The following KCNT2 variants were observed in gnomAD, a reference collection of about 807,000 sequenced individuals.
KCNT2 encodes potassium sodium-activated channel subfamily T member 2, also known as potassium channel subfamily T member 2.
In KCNT2, 67 loss-of-function variants were observed where a neutral mutation model predicts 153.8. That is an observed-to-expected ratio of 0.44 (90% confidence interval 0.36 to 0.53). KCNT2 has a LOEUF of 0.53. KCNT2 is among the 20% of genes least tolerant of loss of function. The pLI is 0.00. For synonymous variants in KCNT2, 500 were observed against 458.8 expected, an observed-to-expected ratio of 1.09 and a Z score of -1.15; for missense variants, 975 against 1,354.8, an observed-to-expected ratio of 0.72 and a Z score of 4.40.
At chr1:196,558,557 T>G (rs1054827931) in intron 1 of KCNT2, among the ~76,000 whole-genome samples, 2 of 151,456 alleles carry the variant, frequency 1.3e-5, no homozygotes, top group African/African-American at 4.8e-5. Flanking sequence ...GAATGTCTAG[T>G]GTCTTCCGAA....
intron 1 of KCNT2, among the ~76,000 whole-genome samples, chr1:196,517,856 T>G (rs1431478465): frequency 6.6e-6 from 1 of 152,148 alleles, no homozygotes; most frequent in African/African-American, 2.4e-5. Context: ...CAGGATACTG[T>G]CCATGAAAAG....
chr1:196,435,606 C>G (rs1052952078), intron 8 of KCNT2, among the ~76,000 whole-genome samples: 1 of 151,474 alleles, frequency 6.6e-6, no homozygotes, highest in Non-Finnish European at 1.5e-5. Context: ...ACTTTGCTAC[C>G]ATGTTGACGT....
At chr1:196,450,586 C>T (rs1676071620) in intron 8 of KCNT2, among the ~76,000 whole-genome samples, 1 of 151,826 alleles carries the variant, frequency 6.6e-6, no homozygotes, top group African/African-American at 2.4e-5. Context: ...TGTCCTCACA[C>T]CTTATATCTA....
chr1:196,440,346 A>T (rs1675115430), intron 8 of KCNT2, among the ~76,000 whole-genome samples: 1 of 152,040 alleles, frequency 6.6e-6, no homozygotes, highest in Non-Finnish European at 1.5e-5. Context: ...TCTGCAGTCA[A>T]ATACATTTGG....
chr1:196,234,317 C>T (rs906203477), intron 27 of KCNT2, among the ~76,000 whole-genome samples: 6 of 151,132 alleles, frequency 4.0e-5, no homozygotes, highest in African/African-American at 1.2e-4. Flanking sequence ...ATTGTCTCCC[C>T]ATTCTGACTT....
chr1:196,235,717 CG>C, intron 27 of KCNT2, among the ~76,000 whole-genome samples: 1 of 151,460 alleles, frequency 6.6e-6, no homozygotes, highest in Middle Eastern at 3.4e-3. Context: ...TATTCTTCCA[CG>C]TCTTCACTTA....
chr1:196,435,135 GTATGTATATATATATATA>G lies in KCNT2; in HGVS notation c.639-5396_639-5379del, dbSNP rs1227985042. 4.3e-4 allele frequency among the ~76,000 whole-genome samples: 33 copies of G among 76,872 alleles called. 1 individual carries two copies. The highest frequency in any genetic ancestry group is 1.5e-3 in the African/African-American group (31 of 20,754). 50.4% of individuals were successfully genotyped at this position (76,872 alleles called of 152,430 possible). A position where few individuals can be genotyped will look rare whatever the true frequency, so the allele number is the denominator to read the frequency against. On this transcript the variant is annotated intron_variant, in intron 8 of 27. Coordinates refer to ENST00000294725, the MANE Select transcript of KCNT2 (RefSeq NM_198503.5). ...GCAATAGATACTTATGTGTGTGTGT[GTATGTATATATATATATA>G]TATATATATATATATATATATATAT...
chr1:196,497,334 G>A (rs1432713976), intron 1 of KCNT2, among the ~76,000 whole-genome samples: 1 of 151,926 alleles, frequency 6.6e-6, no homozygotes, highest in Non-Finnish European at 1.5e-5. Flanking sequence ...GTAGTACTTA[G>A]GTACTACTAA....
At chr1:196,265,810 T>C (rs970188004) in intron 25 of KCNT2, among the ~76,000 whole-genome samples, 5 of 152,112 alleles carry the variant, frequency 3.3e-5, no homozygotes, top group African/African-American at 1.2e-4. Flanking sequence ...AAAGCAAACA[T>C]GGGACTCTGT....
intron 1 of KCNT2, among the ~76,000 whole-genome samples, chr1:196,536,181 G>A (rs965407632): frequency 1.3e-5 from 2 of 152,190 alleles, no homozygotes; most frequent in Non-Finnish European, 2.9e-5. Flanking sequence ...TACAGGCATT[G>A]GGCCAGGCAA....
intron 5 of KCNT2, among the ~76,000 whole-genome samples, chr1:196,472,718 C>CACTAT (rs1301879021): frequency 2.0e-5 from 3 of 152,164 alleles, no homozygotes; most frequent in Admixed American, 2.0e-4. Flanking sequence ...TTTCCTTTCA[C>CACTAT]ACTATACTAT....
intron 3 of KCNT2, among the ~76,000 whole-genome samples, chr1:196,483,865 G>A (rs1436007978): frequency 2.0e-5 from 3 of 152,078 alleles, no homozygotes; most frequent in Non-Finnish European, 2.9e-5. Flanking sequence ...CTAAGTACCT[G>A]CATATATTAA....
intron 1 of KCNT2, among the ~76,000 whole-genome samples, chr1:196,542,726 A>G (rs1656551931): frequency 6.6e-6 from 1 of 152,078 alleles, no homozygotes; most frequent in African/African-American, 2.4e-5. Context: ...TTGAATGCCT[A>G]TTAGGGGTAA....
intron 1 of KCNT2, among the ~76,000 whole-genome samples, chr1:196,542,495 G>A (rs1656513360): frequency 6.6e-6 from 1 of 152,070 alleles, no homozygotes; most frequent in African/African-American, 2.4e-5. Flanking sequence ...GAAAGTGGCT[G>A]GAGGAAAAGA....
chr1:196,410,710 T>TA (rs71154741), intron 12 of KCNT2, among the ~76,000 whole-genome samples: 56,749 of 145,156 alleles, frequency 0.39, 11,547 homozygotes, highest in African/African-American at 0.53. Context: ...GCTCAGTGCT[T>TA]AAAAAAAAAA....
chr1:196,525,795 C>T lies in KCNT2; in HGVS notation c.96-33454G>A, dbSNP rs535015039. Among the ~76,000 whole-genome samples, 15 of 151,744 alleles carry T rather than the reference C, an allele frequency of 9.9e-5. No homozygotes were observed. In the East Asian group the frequency reaches 2.3e-3, roughly 23 times the overall value. On this transcript the variant is annotated intron_variant, in intron 1 of 27. Coordinates refer to ENST00000294725, the MANE Select transcript of KCNT2 (RefSeq NM_198503.5). ...GAAGTGTGAAAACTTTCTTAGCTAG[C>T]GTTTTATTATAATGAAATACTGTAC...
chr1:196,522,231 T>C (rs1360195877), intron 1 of KCNT2, among the ~76,000 whole-genome samples: 1 of 152,188 alleles, frequency 6.6e-6, no homozygotes. Flanking sequence ...AACTTCTTTA[T>C]GTTAACAAAA....
intron 25 of KCNT2, among the ~76,000 whole-genome samples, chr1:196,273,865 C>A (rs1207911038): frequency 6.6e-6 from 1 of 151,534 alleles, no homozygotes; most frequent in Non-Finnish European, 1.5e-5. Context: ...GTACTCCATA[C>A]ACTATAAATG....
intron 13 of KCNT2, among the ~76,000 whole-genome samples, chr1:196,397,518 C>T (rs184539630): frequency 7.3e-4 from 111 of 151,520 alleles, no homozygotes; most frequent in Non-Finnish European, 1.4e-3. Flanking sequence ...AAATCAGAAT[C>T]TCTATGATCA....
Sources: allele counts gnomAD v4.1 joint callset (sites outside exome capture counted in the v4.1 genomes callset), GRCh38; gene constraint gnomAD v4.1.1; transcripts MANE v1.5; gene names NCBI Gene and HGNC (gene_info 2026-07-23, HGNC 2026-07-21).